RTTN: variants seen among roughly 807,000 people sequenced by gnomAD.
The protein encoded by RTTN is rotatin.
In RTTN, 182 loss-of-function variants were observed where a neutral mutation model predicts 269.2. The observed-to-expected ratio is 0.68, with a 90% CI of 0.60 to 0.76. RTTN has a LOEUF of 0.76. RTTN is among the 30% of genes least tolerant of loss of function. The probability of loss-of-function intolerance (pLI) is 0.00; values close to 1 mark genes in which losing one functional copy is unlikely to be tolerated. For missense variants in RTTN, 2,545 were observed against 2,608.6 expected (o/e 0.98, Z 0.53); for synonymous variants, 1,006 against 963.5 (o/e 1.04, Z -0.82).
intron 42 of RTTN, among the ~76,000 whole-genome samples, 178 bp from the exon 43 acceptor site, chr18:70,028,979 C>T (rs184797031): frequency 1.0e-3 from 156 of 152,218 alleles, no homozygotes; most frequent in Non-Finnish European, 1.9e-3. Flanking sequence ...GACCATATCT[C>T]AAGAAGCACA....
intron 44 of RTTN, among the ~76,000 whole-genome samples, chr18:70,024,198 C>T (rs184832198): frequency 2.0e-5 from 3 of 152,326 alleles, no homozygotes; most frequent in Admixed American, 6.5e-5. Context: ...TGAGGCCCTA[C>T]ATGACCTGTC....
chr18:70,153,688 C>A (rs1352460921), intron 14 of RTTN, among the ~76,000 whole-genome samples: 1 of 152,182 alleles, frequency 6.6e-6, no homozygotes, highest in African/African-American at 2.4e-5. Context: ...CCAGAAGACA[C>A]TGGAATAATA....
intron 10 of RTTN, among the ~76,000 whole-genome samples, chr18:70,182,423 G>A (rs142070749): frequency 0.012 from 1,874 of 152,056 alleles, 22 homozygotes; most frequent in South Asian, 0.037. Context: ...ACTGATAAAC[G>A]TAAGAGTCAA....
intron 40 of RTTN, among the ~76,000 whole-genome samples, chr18:70,041,017 C>T (rs761436233): frequency 2.0e-5 from 3 of 151,956 alleles, no homozygotes; most frequent in Non-Finnish European, 2.9e-5. Context: ...GTCAGGAGTT[C>T]GAGACCAGTT....
chr18:70,005,043 A>G (rs956077177), intron 48 of RTTN, among the ~76,000 whole-genome samples, 155 bp downstream of exon 48: 6 of 152,228 alleles, frequency 3.9e-5, no homozygotes. Flanking sequence ...TATCTATTTT[A>G]TTATTTTAAA....
chr18:70,035,314 A>G (rs774115821), intron 40 of RTTN, among the ~76,000 whole-genome samples: 43 of 152,254 alleles, frequency 2.8e-4, no homozygotes, highest in Non-Finnish European at 4.6e-4. Flanking sequence ...TTCAAACTAT[A>G]CTACAGGGCT....
At chr18:70,162,841 A>G (rs1280139448) in intron 14 of RTTN, among the ~76,000 whole-genome samples, 1 of 140,620 alleles carries the variant, frequency 7.1e-6, no homozygotes, top group African/African-American at 2.5e-5. Context: ...CAATTTACCC[A>G]TGTAACAAAC....
At chr18:70,143,794 T>A (rs538923393) in intron 18 of RTTN, among the ~76,000 whole-genome samples, 1 of 151,592 alleles carries the variant, frequency 6.6e-6, no homozygotes, top group African/African-American at 2.4e-5. Flanking sequence ...GCAACAATGA[T>A]GCAGTAGGTC....
chr18:70,145,211 ACTGTCTAGTTG>A (rs1466601432), intron 18 of RTTN, among the ~76,000 whole-genome samples: 1 of 152,220 alleles, frequency 6.6e-6, no homozygotes, highest in Non-Finnish European at 1.5e-5. Flanking sequence ...CCCACATGGG[ACTGTCTAGTTG>A]CAGAAAAACA....
At position 70,075,344 on chromosome 18, in the gene RTTN, G is replaced by A. The variant is rs563328673; in HGVS notation, c.4564+8C>T. Reference sequence around the variant, plus strand: ...ACAAAAATAAAAATACAAAGATATCGTACTTACCATTTAAATCATTGCTTT... The same window carrying A: ...ACAAAAATAAAAATACAAAGATATCATACTTACCATTTAAATCATTGCTTT... On this transcript the variant is annotated splice_region_variant and intron_variant, in intron 33 of 48. Coordinates refer to ENST00000640769, the MANE Select transcript of RTTN (RefSeq NM_173630.4). 4.8e-5 allele frequency: 73 copies of A among 1,527,318 alleles called. No homozygotes were observed. The East Asian group carries it at 1.3e-3, about 27-fold the overall frequency. 94.6% of individuals were successfully genotyped at this position (1,527,318 alleles called of 1,614,324 possible).
At chr18:70,034,801 G>A (rs1257474502) in intron 40 of RTTN, among the ~76,000 whole-genome samples, 1 of 152,086 alleles carries the variant, frequency 6.6e-6, no homozygotes, top group African/African-American at 2.4e-5. Context: ...AAACCCCATC[G>A]TCTCAGCCCA....
chr18:70,013,574 A>G (rs924559391), intron 46 of RTTN, among the ~76,000 whole-genome samples: 4 of 152,214 alleles, frequency 2.6e-5, no homozygotes, highest in African/African-American at 9.7e-5. Flanking sequence ...TCATATAAAC[A>G]TTTAAATAAC....
chr18:70,130,021 G>A (rs2059959133), intron 23 of RTTN: 1 of 151,866 alleles, frequency 6.6e-6, no homozygotes, highest in African/African-American at 2.4e-5. Context: ...ACAGGTATAT[G>A]AAAAAATTCT....
intron 6 of RTTN, among the ~76,000 whole-genome samples, chr18:70,196,884 T>G (rs1256110539): frequency 6.6e-6 from 1 of 152,218 alleles, no homozygotes; most frequent in African/African-American, 2.4e-5. Flanking sequence ...GTTTCCTATT[T>G]CTAAAATCTG....
At chr18:70,167,875 G>C (rs147470344) in intron 12 of RTTN, among the ~76,000 whole-genome samples, 1 of 152,040 alleles carries the variant, frequency 6.6e-6, no homozygotes, top group Non-Finnish European at 1.5e-5. Flanking sequence ...GGCCAGGCAC[G>C]GTGGCTAACA....
intron 18 of RTTN, among the ~76,000 whole-genome samples, chr18:70,145,249 T>A (rs1228524697): frequency 6.6e-6 from 1 of 152,230 alleles, no homozygotes; most frequent in Admixed American, 6.5e-5. Flanking sequence ...GAGCTCCCAC[T>A]GATTCTACAT....
rs2145535204 is a variant in RTTN, at chr18:70,022,385, C to A, written c.5951-1568G>T. Among the ~76,000 whole-genome samples, 3 of 152,208 alleles carry A rather than the reference C, an allele frequency of 2.0e-5. No homozygotes were observed. In the South Asian group the frequency reaches 6.2e-4, roughly 32 times the overall value. ...TTGTCAGCTGTGCTCTAGCTCTCAC[C>A]TCTCTTACCCTCTCAGGCTGGGCTC... is the stretch of plus-strand genomic sequence containing the variant. On this transcript the variant is annotated intron_variant, in intron 44 of 48. Transcript: ENST00000640769.
intron 11 of RTTN, among the ~76,000 whole-genome samples, chr18:70,175,072 A>C (rs2061256975): frequency 6.7e-6 from 1 of 150,292 alleles, no homozygotes; most frequent in Non-Finnish European, 1.5e-5. Context: ...AAAAAGAATA[A>C]ATAACTTTTA....
intron 43 of RTTN, 63 bp downstream of exon 43, chr18:70,028,661 A>C (rs1191492174): frequency 4.2e-6 from 4 of 957,066 alleles, no homozygotes; most frequent in Non-Finnish European, 6.3e-6. Context: ...ATTATCTCAC[A>C]TAAAAATTAA....
Sources: gnomAD v4.1 joint callset for allele counts (sites outside exome capture counted in the v4.1 genomes callset) on GRCh38, gnomAD v4.1.1 for gene constraint, MANE v1.5 for transcripts, NCBI Gene and HGNC (gene_info 2026-07-23, HGNC 2026-07-21) for gene names.